The following PRKG1 variants were observed in gnomAD, a reference collection of about 807,000 sequenced individuals.
The protein encoded by PRKG1 is cGMP-dependent protein kinase 1.
A neutral mutation model predicts 88.1 loss-of-function variants in PRKG1; 35 were observed. The ratio of observed to expected loss-of-function variants is 0.40; its 90% confidence interval spans 0.30 to 0.53. PRKG1 has a LOEUF of 0.53. Ranked by LOEUF, PRKG1 falls within the 20% of genes least tolerant of loss-of-function variation. The probability of loss-of-function intolerance (pLI) is 0.59; values close to 1 mark genes in which losing one functional copy is unlikely to be tolerated. For synonymous variants in PRKG1, 303 were observed against 292.5 expected, an observed-to-expected ratio of 1.04 and a Z score of -0.37; for missense variants, 540 against 839.8, an observed-to-expected ratio of 0.64 and a Z score of 4.41.
At chr10:51,876,476 G>T (rs876129) in intron 4 of PRKG1, among the ~76,000 whole-genome samples, 27 of 151,956 alleles carry the variant, frequency 1.8e-4, no homozygotes, top group Non-Finnish European at 2.9e-4. Flanking sequence ...AATTTTCCTA[G>T]GGTAGGTCTT....
intron 4 of PRKG1, among the ~76,000 whole-genome samples, chr10:51,842,390 T>C (rs767837543): frequency 2.0e-5 from 3 of 152,202 alleles, no homozygotes; most frequent in Non-Finnish European, 2.9e-5. Flanking sequence ...GCATGTAGCT[T>C]AAACTAATGG....
Position 52,190,418 on chromosome 10 carries a change from T to G in PRKG1, c.1076+28455T>G, listed in dbSNP as rs1839332376. ...TAAAATTCTGTTAAATAAAACATAGTCCCATTTTACTTACATTTTTAATAA... is the reference window on the plus strand; with the variant it reads ...TAAAATTCTGTTAAATAAAACATAGGCCCATTTTACTTACATTTTTAATAA... On this transcript the variant is annotated intron_variant, in intron 9 of 17. Transcript: ENST00000373980. Among the ~76,000 whole-genome samples, 4 of 152,294 alleles carry G rather than the reference T, an allele frequency of 2.6e-5. No individual in the cohort carries two copies. In the South Asian group the frequency reaches 8.3e-4, roughly 32 times the overall value.
intron 5 of PRKG1, among the ~76,000 whole-genome samples, chr10:51,956,205 G>T (rs1477430450): frequency 3.9e-5 from 6 of 152,030 alleles, no homozygotes; most frequent in Non-Finnish European, 7.4e-5. Context: ...TTATTATTTT[G>T]TTGGTATTTT....
intron 4 of PRKG1, among the ~76,000 whole-genome samples, chr10:51,886,659 C>T (rs533961792): frequency 2.6e-4 from 39 of 152,280 alleles, no homozygotes; most frequent in South Asian, 6.2e-4. Flanking sequence ...GCATCTGGCT[C>T]GTTTTGCAGA....
chr10:51,260,249 T>C (rs1364478239), intron 2 of PRKG1, among the ~76,000 whole-genome samples: 1 of 152,230 alleles, frequency 6.6e-6, no homozygotes, highest in Admixed American at 6.5e-5. Flanking sequence ...ATAGAAAGCA[T>C]TTATTAAATT....
At chr10:51,215,831 A>G (rs952044441) in intron 2 of PRKG1, among the ~76,000 whole-genome samples, 3 of 152,214 alleles carry the variant, frequency 2.0e-5, no homozygotes, top group African/African-American at 7.2e-5. Context: ...TCTAGTAGTT[A>G]TAACAGTGAT....
chr10:51,057,734 G>T (rs1041911038), intron 1 of PRKG1, among the ~76,000 whole-genome samples: 12 of 151,948 alleles, frequency 7.9e-5, no homozygotes, highest in Admixed American at 1.3e-4. Context: ...ATATTCTATT[G>T]GATTAATATA....
rs188008093 is a variant in PRKG1, at chr10:51,251,892, T to C, written c.478+98562T>C. On this transcript the variant is annotated intron_variant, in intron 2 of 17. Coordinates refer to ENST00000373980, the MANE Select transcript of PRKG1 (RefSeq NM_006258.4). ...AAGTTCTCTCCAGTCCTGTTATGTA[T>C]TGGCCATAAACATGAGACATTGATA... Among the ~76,000 whole-genome samples, 537 of 151,948 alleles carry C rather than the reference T, an allele frequency of 3.5e-3. 2 individuals carry two copies. The highest frequency in any genetic ancestry group is 0.017 in the South Asian group (83 of 4,828).
intron 6 of PRKG1, among the ~76,000 whole-genome samples, chr10:52,059,313 TG>T (rs895570839): frequency 2.0e-5 from 3 of 151,968 alleles, no homozygotes; most frequent in African/African-American, 7.2e-5. Flanking sequence ...TTACTCTTTG[TG>T]ATATTTATTC....
chr10:51,394,072 A>G (rs1035393010), intron 2 of PRKG1, among the ~76,000 whole-genome samples: 3 of 152,202 alleles, frequency 2.0e-5, no homozygotes, highest in African/African-American at 7.2e-5. Flanking sequence ...GAGAAATCAC[A>G]GGGGCTGAGA....
chr10:51,900,632 TAA>T (rs1841958807), intron 4 of PRKG1, among the ~76,000 whole-genome samples: 1 of 152,176 alleles, frequency 6.6e-6, no homozygotes, highest in Non-Finnish European at 1.5e-5. Flanking sequence ...CAGTGGCAGA[TAA>T]AAGTTTTCTG....
At chr10:51,050,708 C>T (rs551968540) in intron 1 of PRKG1, among the ~76,000 whole-genome samples, 3 of 152,214 alleles carry the variant, frequency 2.0e-5, no homozygotes, top group South Asian at 2.1e-4. Flanking sequence ...TATGGTAGTT[C>T]CATTTTTTAT....
At chr10:51,167,123 C>T (rs758781849) in intron 2 of PRKG1, among the ~76,000 whole-genome samples, 6 of 151,854 alleles carry the variant, frequency 4.0e-5, no homozygotes, top group African/African-American at 9.7e-5. Flanking sequence ...AAACTGTGTA[C>T]GGAAATAAGC....
At chr10:51,354,041 G>A (rs887109815) in intron 2 of PRKG1, among the ~76,000 whole-genome samples, 3 of 152,072 alleles carry the variant, frequency 2.0e-5, no homozygotes, top group Non-Finnish European at 2.9e-5. Context: ...AGTAAGCCAG[G>A]CACAGAAAGA....
At chr10:51,120,584 A>C (rs1845237692) in intron 1 of PRKG1, among the ~76,000 whole-genome samples, 1 of 152,110 alleles carries the variant, frequency 6.6e-6, no homozygotes, top group Non-Finnish European at 1.5e-5. Context: ...CATGTAGAGG[A>C]GTTTGCAATG....
chr10:51,203,151 C>CT (rs982129246), intron 2 of PRKG1, among the ~76,000 whole-genome samples: 24 of 152,190 alleles, frequency 1.6e-4, no homozygotes, highest in Admixed American at 1.4e-3. Flanking sequence ...TAAATGGTCA[C>CT]TTATTAATGC....
At chr10:51,381,328 C>CATGAG (rs902135656) in intron 2 of PRKG1, among the ~76,000 whole-genome samples, 16 of 115,674 alleles carry the variant, frequency 1.4e-4, no homozygotes, top group Admixed American at 1.4e-3. Flanking sequence ...GGAATAAATG[C>CATGAG]ATGAGGAAAT....
intron 2 of PRKG1, among the ~76,000 whole-genome samples, chr10:51,173,364 A>G (rs930083917): frequency 4.6e-5 from 7 of 151,910 alleles, no homozygotes; most frequent in Non-Finnish European, 1.0e-4. Flanking sequence ...CTAACATAAT[A>G]TCACTTGGAC....
chr10:51,570,049 G>GTATATA (rs10617123), intron 3 of PRKG1, among the ~76,000 whole-genome samples: 1 of 128,798 alleles, frequency 7.8e-6, no homozygotes, highest in Admixed American at 7.5e-5. Flanking sequence ...ACCCAAACTA[G>GTATATA]TATATATATA....
Sources: gnomAD v4.1 joint callset for allele counts (sites outside exome capture counted in the v4.1 genomes callset) on GRCh38, gnomAD v4.1.1 for gene constraint, MANE v1.5 for transcripts, NCBI Gene and HGNC (gene_info 2026-07-23, HGNC 2026-07-21) for gene names.